Variants in GRN observed in about 807,000 individuals in gnomAD.
GRN encodes the protein progranulin.
A neutral mutation model predicts 66.7 loss-of-function variants in GRN; 30 were observed. That is an observed-to-expected ratio of 0.45 (90% CI 0.34 to 0.61). The LOEUF (loss-of-function observed/expected upper bound fraction) is 0.61. Among genes scored for constraint, GRN ranks in the 20% least tolerant of loss-of-function variants. The pLI, the probability that GRN is intolerant of heterozygous loss-of-function variation, is 0.01. For synonymous variants in GRN, 327 were observed against 311.1 expected (o/e 1.05, Z -0.54); for missense variants, 731 against 803.5 (o/e 0.91, Z 1.09).
chr17:44,350,896 CTGCT>C, intron 7 of GRN, 96 bp downstream of exon 7: 1 of 1,409,472 alleles, frequency 7.1e-7, no homozygotes, highest in Admixed American at 1.7e-5. Flanking sequence ...GGCTGGCTGG[CTGCT>C]TGCTGGGAGC....
At chr17:44,350,655 C>T (rs1372123987) in intron 6 of GRN, 36 bp from the exon 7 acceptor site, 1 of 1,610,930 alleles carries the variant, frequency 6.2e-7, no homozygotes, top group East Asian at 2.2e-5. Flanking sequence ...AAGTTTCCTC[C>T]ATCCTGGCTG....
chr17:44,350,531 C>A lies in GRN; in HGVS notation c.552C>A (p.Thr184=), dbSNP rs141697391. Residue 184 remains threonine, a synonymous_variant, in exon 6 of 13, where the codon ACC becomes ACA. Transcript: ENST00000053867. ...CCCGCTGCATCACACCCACGGGCAC[C>A]CACCCCCTGGCAAAGAAGCTCCCTG... ...VHTRCITPTG[T]HPLAKKLPAQ... The A allele has an allele frequency of 1.2e-6, 2 of 1,613,980 alleles. No individual in the cohort carries two copies. The highest frequency in any genetic ancestry group is 1.3e-5 in the African/African-American group (1 of 75,032).
In GRN at chr17:44,351,764, C is replaced by T. The variant is rs761441906; in HGVS notation, c.1148C>T (p.Ser383Phe). The T allele has an allele frequency of 6.2e-7, 1 of 1,613,424 alleles. No homozygotes were observed. The highest frequency in any genetic ancestry group is 2.2e-5 in the East Asian group (1 of 44,894). The change falls in exon 10 of 13, where the codon TCT becomes TTT. Residue 383 changes from serine (S) to phenylalanine (F), a missense_variant. Transcript: ENST00000053867. ...TCCGATACCTGCTGCCAACTCACGT[C>T]TGGGGAGTGGGGCTGCTGTCCAATC... Reference protein sequence around the residue: ...PSSDTCCQLTSGEWGCCPIPE... With the variant: ...PSSDTCCQLTFGEWGCCPIPE...
Position 44,351,757 on chromosome 17 carries a change from C to A in GRN, c.1141C>A (p.Leu381Ile). Reference sequence around the variant, plus strand: ...TCCCTCCTCCGATACCTGCTGCCAACTCACGTCTGGGGAGTGGGGCTGCTG... The same window carrying A: ...TCCCTCCTCCGATACCTGCTGCCAAATCACGTCTGGGGAGTGGGGCTGCTG... ...SCPSSDTCCQLTSGEWGCCPI... is the reference protein window; with the variant it reads ...SCPSSDTCCQITSGEWGCCPI... The change falls in exon 10 of 13, where the codon CTC becomes ATC. Residue 381 changes from leucine (L) to isoleucine (I), a missense_variant. Coordinates refer to ENST00000053867, the MANE Select transcript of GRN (RefSeq NM_002087.4). 1.2e-6 allele frequency: 2 copies of A among 1,613,644 alleles called. No homozygotes were observed.
intron 10 of GRN, 32 bp downstream of exon 10, chr17:44,351,827 G>A (rs1365611507): frequency 6.2e-7 from 1 of 1,606,632 alleles, no homozygotes; most frequent in Admixed American, 1.7e-5. Flanking sequence ...CTTGGCCTGG[G>A]CAGGTGGGTG....
chr17:44,349,264 C>A lies in GRN; in HGVS notation c.100C>A (p.Pro34Thr), dbSNP rs748147151. 1 of 1,613,956 alleles carries A rather than the reference C, an allele frequency of 6.2e-7. No individual in the cohort carries two copies. Among genetic ancestry groups the A allele is most frequent in the Non-Finnish European group, 8.5e-7 (1 of 1,180,026 alleles). ...QFCPVACCLDPGGASYSCCRP... is the reference protein window; with the variant it reads ...QFCPVACCLDTGGASYSCCRP... ...CTGCCCTGTGGCCTGCTGCCTGGACCCCGGAGGAGCCAGCTACAGCTGCTG... is the reference window on the plus strand; with the variant it reads ...CTGCCCTGTGGCCTGCTGCCTGGACACCGGAGGAGCCAGCTACAGCTGCTG... Residue 34 changes from proline to threonine, a missense_variant, in exon 2 of 13, where the codon CCC (proline) becomes ACC (threonine). Around this residue, in one of 3 missense-constraint regions of GRN, gnomAD observed 370 missense variants for 379.8 expected, o/e 0.97. Transcript: ENST00000053867.
rs1234112171 is a variant in GRN at position 44,350,574 on chromosome 17, G to A, written c.595G>A (p.Ala199Thr). 3.1e-6 allele frequency: 5 copies of A among 1,613,854 alleles called. No individual in the cohort carries two copies. The South Asian group carries it at 4.4e-5, about 14-fold the overall frequency. The change falls in exon 6 of 13, where the codon GCA becomes ACA. Residue 199 changes from alanine (A) to threonine (T), a missense_variant. Transcript: ENST00000053867. Reference sequence around the variant, plus strand: ...GCTCCCTGCCCAGAGGACTAACAGGGCAGGTGAGGAGGTGGGAGAGCATCA... The same window carrying A: ...GCTCCCTGCCCAGAGGACTAACAGGACAGGTGAGGAGGTGGGAGAGCATCA... Reference protein sequence around the residue: ...KKLPAQRTNRAVALSSSVMCP... With the variant: ...KKLPAQRTNRTVALSSSVMCP...
Position 44,353,101 on chromosome 17 carries a change from T to C in GRN, c.*303T>C, listed in dbSNP as rs990027247. 3 of 522,312 alleles carry C rather than the reference T, an allele frequency of 5.7e-6. No individual in the cohort carries two copies. The highest frequency in any genetic ancestry group is 3.8e-5 in the African/African-American group (2 of 52,334). The allele number at this position is 522,312 out of a possible 1,614,324, so 32.4% of individuals were successfully genotyped here. ...GCGTTTCAATAAAGTTTGTACACTT[T>C]CTTAACAGTGTCTGATTTGCCGCCC... On this transcript the variant is annotated 3_prime_UTR_variant, in exon 13 of 13. Coordinates refer to ENST00000053867, the MANE Select transcript of GRN (RefSeq NM_002087.4).
In GRN at chr17:44,349,461, T is replaced by G. The variant is rs1338099002; in HGVS notation, c.174T>G (p.Gly58=). ...CCACAACACTGAGCAGGCATCTGGGTGGCCCCTGCCAGGTTGATGCCCACT... is the reference window on the plus strand; with the variant it reads ...CCACAACACTGAGCAGGCATCTGGGGGGCCCCTGCCAGGTTGATGCCCACT... ...KWPTTLSRHL[G]GPCQVDAHCS... is the part of the protein sequence containing the mutation. Residue 58 remains glycine (G), a synonymous_variant, in exon 3 of 13, where the codon GGT becomes GGG. Transcript: ENST00000053867. 1.2e-6 allele frequency: 2 copies of G among 1,614,176 alleles called. No homozygotes were observed. The highest frequency in any genetic ancestry group is 1.7e-6 in the Non-Finnish European group (2 of 1,180,014).
At position 44,351,373 on chromosome 17, in the gene GRN, G is replaced by C. The variant is rs1319885619; in HGVS notation, c.846G>C (p.Val282=). The change falls in exon 9 of 13, where the codon GTG becomes GTC. Residue 282 remains valine, a synonymous_variant. Coordinates refer to ENST00000053867, the MANE Select transcript of GRN (RefSeq NM_002087.4). ...TKLPAHTVGD[V]KCDMEVSCPD... ...CTGCTTCCCTCACAGTGGGGGATGT[G>C]AAATGTGACATGGAGGTGAGCTGCC... 4 of 1,612,428 alleles carry C rather than the reference G, an allele frequency of 2.5e-6. No homozygotes were observed. Among genetic ancestry groups the C allele is most frequent in the Non-Finnish European group, 3.4e-6 (4 of 1,178,716 alleles).
Position 44,352,777 on chromosome 17 carries a change from A to T in GRN, c.1761A>T (p.Pro587=). Residue 587 remains proline (P), a synonymous_variant, in exon 13 of 13, where the codon CCA becomes CCT. Transcript: ENST00000053867. ...GCTGGGACGCCCCTTTGAGGGACCC[A>T]GCCTTGAGACAGCTGCTGTGAGGGA... ...APRWDAPLRD[P]ALRQLL 6.2e-7 allele frequency: 1 copy of T among 1,611,736 alleles called. No individual in the cohort carries two copies. The highest frequency in any genetic ancestry group is 8.5e-7 in the Non-Finnish European group (1 of 1,179,950).
intron 8 of GRN, 95 bp downstream of exon 8, chr17:44,351,258 C>T: frequency 6.5e-7 from 1 of 1,549,162 alleles, no homozygotes; most frequent in Non-Finnish European, 8.9e-7. Context: ...TAAGCGGTAC[C>T]CTCCATCTTC....
In GRN at chr17:44,351,865, C is replaced by T. The variant is rs751029191; in HGVS notation, c.1179+70C>T. On this transcript the variant is annotated intron_variant, in intron 10 of 12. Transcript: ENST00000053867. Reference sequence around the variant, plus strand: ...CAAGCTCCTATTGCTTTCTGCCCTCCGCATAGCCCATAGGTGATACCCAGC... The same window carrying T: ...CAAGCTCCTATTGCTTTCTGCCCTCTGCATAGCCCATAGGTGATACCCAGC... 1.1e-4 allele frequency: 165 copies of T among 1,546,302 alleles called. No individual in the cohort carries two copies. In the Middle Eastern group the frequency reaches 1.4e-3, roughly 13 times the overall value.
intron 7 of GRN, 116 bp from the exon 8 acceptor site, chr17:44,350,921 C>G: frequency 1.4e-6 from 2 of 1,415,448 alleles, no homozygotes; most frequent in South Asian, 2.3e-5. Context: ...CTGGCTGATG[C>G]AGGGTTCATG....
At chr17:44,350,822 G>C in intron 7 of GRN, 22 bp downstream of exon 7, 1 of 1,576,384 alleles carries the variant, frequency 6.3e-7, no homozygotes, top group Non-Finnish European at 8.7e-7. Flanking sequence ...GCTGGAGCCA[G>C]CTTGGCTGTG....
rs2143340517 is a variant in GRN at position 44,351,565 on chromosome 17, G to A, written c.949G>A (p.Asp317Asn). The change falls in exon 10 of 13, where the codon GAC (aspartate) becomes AAC (asparagine). Residue 317 changes from aspartate to asparagine, a missense_variant. Asp to Asn is a conservative substitution (Grantham distance 23, BLOSUM62 1). Coordinates refer to ENST00000053867, the MANE Select transcript of GRN (RefSeq NM_002087.4). ...CPFTQAVCCEDHIHCCPAGFT... is the reference protein window; with the variant it reads ...CPFTQAVCCENHIHCCPAGFT... Reference sequence around the variant, plus strand: ...TCTGCCCTAGGCTGTGTGCTGTGAGGACCACATACACTGCTGTCCCGCGGG... The same window carrying A: ...TCTGCCCTAGGCTGTGTGCTGTGAGAACCACATACACTGCTGTCCCGCGGG... 3 of 1,614,084 alleles carry A rather than the reference G, an allele frequency of 1.9e-6. No individual in the cohort carries two copies. The highest frequency in any genetic ancestry group is 2.2e-5 in the East Asian group (1 of 44,894).
chr17:44,348,107 T>G (rs769134410), intron 1 of GRN, among the ~76,000 whole-genome samples: 25 of 152,026 alleles, frequency 1.6e-4, no homozygotes, highest in Non-Finnish European at 3.4e-4. Context: ...AATTACTACT[T>G]TGGATGGTTG....
rs1442769378 is a variant in GRN at position 44,352,759 on chromosome 17, C to T, written c.1743C>T (p.Asp581=). 19 of 1,611,852 alleles carry T rather than the reference C, an allele frequency of 1.2e-5. No individual in the cohort carries two copies. Among genetic ancestry groups the T allele is most frequent in the African/African-American group, 4.0e-5 (3 of 75,056 alleles). The change falls in exon 13 of 13, where the codon GAC becomes GAT. Residue 581 remains aspartate (D), a synonymous_variant. Coordinates refer to ENST00000053867, the MANE Select transcript of GRN (RefSeq NM_002087.4). ...KCLRREAPRW[D]APLRDPALRQ... is the part of the protein sequence containing the mutation. ...TGCGCAGGGAGGCCCCGCGCTGGGA[C>T]GCCCCTTTGAGGGACCCAGCCTTGA...
At position 44,351,432 on chromosome 17, in the gene GRN, G is replaced by A. The variant is rs754964633; in HGVS notation, c.905G>A (p.Gly302Glu). 1.9e-6 allele frequency: 3 copies of A among 1,613,818 alleles called. No individual in the cohort carries two copies. The highest frequency in any genetic ancestry group is 2.5e-6 in the Non-Finnish European group (3 of 1,179,744). ...DGYTCCRLQS[G>E]AWGCCPFTQA... ...TATACCTGCTGCCGTCTACAGTCGGGGGCCTGGGGCTGCTGCCCTTTTACC... is the reference window on the plus strand; with the variant it reads ...TATACCTGCTGCCGTCTACAGTCGGAGGCCTGGGGCTGCTGCCCTTTTACC... The change falls in exon 9 of 13, where the codon GGG (glycine) becomes GAG (glutamate). Residue 302 changes from glycine to glutamate, a missense_variant. By Grantham distance (98) the Gly-to-Glu change is moderately conservative (BLOSUM62 -2). Around this residue, in one of 3 missense-constraint regions of GRN, gnomAD observed 42 missense variants for 76.6 expected, o/e 0.55. Transcript: ENST00000053867.
Sources: gnomAD v4.1 joint callset for allele counts (sites outside exome capture counted in the v4.1 genomes callset) on GRCh38, gnomAD v4.1.1 for gene constraint, gnomAD v4.1.1 regional missense constraint, MANE v1.5 for transcripts, NCBI Gene and HGNC (gene_info 2026-07-23, HGNC 2026-07-21) for gene names.